INSC: variants seen among roughly 807,000 people sequenced by gnomAD.
The protein encoded by INSC is protein inscuteable homolog.
INSC carries 67 observed loss-of-function variants against 58.6 expected under a neutral mutation model. That is an observed-to-expected ratio of 1.14 (90% CI 0.94 to 1.40). The LOEUF is 1.40. Ranked by LOEUF, INSC falls within the 40% of genes most tolerant of loss-of-function variation. INSC has a pLI of 0.00. For missense variants in INSC, 714 were observed against 692.0 expected (o/e 1.03, Z -0.36); for synonymous variants, 262 against 276.1 (o/e 0.95, Z 0.51).
chr11:15,194,322 C>A (rs1261270352), intron 6 of INSC, among the ~76,000 whole-genome samples: 2 of 152,166 alleles, frequency 1.3e-5, no homozygotes, highest in Admixed American at 1.3e-4. Context: ...CAGGAAGATG[C>A]CCTGGCAACA....
chr11:15,267,159 G>A, the INSC span, among the ~76,000 whole-genome samples: 71 of 152,006 alleles, frequency 4.7e-4, no homozygotes, highest in Middle Eastern at 3.4e-3. Flanking sequence ...TTCCTCTAGC[G>A]CCAGTTTTGC....
intron 2 of INSC, among the ~76,000 whole-genome samples, chr11:15,157,502 T>C (rs971159913): frequency 1.3e-5 from 2 of 152,106 alleles, no homozygotes; most frequent in East Asian, 1.9e-4. Context: ...CACTGGGAGT[T>C]GGAAGGGGCA....
intron 2 of INSC, among the ~76,000 whole-genome samples, chr11:15,175,054 A>G (rs1176327696): frequency 6.6e-6 from 1 of 152,226 alleles, no homozygotes. Flanking sequence ...TTCCATTACA[A>G]AAGTAATATA....
the INSC span, among the ~76,000 whole-genome samples, chr11:15,262,167 T>A: frequency 2.6e-5 from 4 of 152,048 alleles, no homozygotes; most frequent in African/African-American, 7.2e-5. Flanking sequence ...AAGGGCAAGG[T>A]GCCTGGAGCT....
At chr11:15,234,929 CTG>C (rs1335830189) in intron 9 of INSC, among the ~76,000 whole-genome samples, 4 of 152,200 alleles carry the variant, frequency 2.6e-5, no homozygotes, top group Non-Finnish European at 5.9e-5. Flanking sequence ...AAAGCTGTAA[CTG>C]AGACTCACTG....
At chr11:15,265,227 G>T in the INSC span, among the ~76,000 whole-genome samples, 1 of 152,014 alleles carries the variant, frequency 6.6e-6, no homozygotes, top group Admixed American at 6.6e-5. Flanking sequence ...AATGCAAATA[G>T]ACTTATTGCG....
chr11:15,204,190 C>A (rs370313672), intron 7 of INSC, among the ~76,000 whole-genome samples: 2 of 152,206 alleles, frequency 1.3e-5, no homozygotes, highest in Non-Finnish European at 1.5e-5. Flanking sequence ...TTCATCAAGT[C>A]ATTTATTCCT....
chr11:15,263,515 T>A, the INSC span, among the ~76,000 whole-genome samples: 2 of 152,148 alleles, frequency 1.3e-5, no homozygotes, highest in African/African-American at 4.8e-5. Flanking sequence ...GAAATGATAG[T>A]TGGAACAACA....
chr11:15,256,969 G>T, the INSC span, among the ~76,000 whole-genome samples: 1 of 152,102 alleles, frequency 6.6e-6, no homozygotes, highest in Non-Finnish European at 1.5e-5. Flanking sequence ...TCATTCCAGG[G>T]CTCTCCCAAA....
chr11:15,249,690 T>A (rs1186046695), downstream of INSC, among the ~76,000 whole-genome samples: 2 of 152,222 alleles, frequency 1.3e-5, no homozygotes, highest in African/African-American at 4.8e-5. Context: ...GACCAAAGGC[T>A]GTGGCCAGAA....
chr11:15,224,101 T>C (rs1048266549), intron 8 of INSC, among the ~76,000 whole-genome samples: 1 of 152,198 alleles, frequency 6.6e-6, no homozygotes, highest in Non-Finnish European at 1.5e-5. Context: ...TCACTTAACA[T>C]TTGAATCCTC....
intron 2 of INSC, among the ~76,000 whole-genome samples, chr11:15,164,078 T>A (rs955930716): frequency 1.3e-5 from 2 of 152,182 alleles, no homozygotes; most frequent in African/African-American, 2.4e-5. Context: ...TTGTTCCTGT[T>A]TTTTATAATT....
the INSC span, among the ~76,000 whole-genome samples, chr11:15,267,960 A>T: frequency 1.2e-3 from 189 of 152,134 alleles, 1 homozygote; most frequent in Non-Finnish European, 2.1e-4. Flanking sequence ...CTCATCACTG[A>T]TAATCTGCCC....
At chr11:15,209,617 C>T (rs1168520588) in intron 7 of INSC, among the ~76,000 whole-genome samples, 1 of 152,194 alleles carries the variant, frequency 6.6e-6, no homozygotes, top group African/African-American at 2.4e-5. Flanking sequence ...GAGACACTAT[C>T]TCACCCACTT....
chr11:15,225,169 G>A (rs1476032833), intron 8 of INSC, among the ~76,000 whole-genome samples: 2 of 152,224 alleles, frequency 1.3e-5, no homozygotes, highest in Admixed American at 6.5e-5. Context: ...GGTCTCAGCT[G>A]TAAAGTCACA....
intron 2 of INSC, among the ~76,000 whole-genome samples, chr11:15,154,803 C>CT (rs55738495): frequency 0.36 from 55,069 of 151,036 alleles, 10,235 homozygotes; most frequent in Middle Eastern, 0.4. Context: ...GCTTTTGTCC[C>CT]TTTTTTTTTG....
At chr11:15,166,244 A>G (rs1345379328) in intron 2 of INSC, among the ~76,000 whole-genome samples, 1 of 152,208 alleles carries the variant, frequency 6.6e-6, no homozygotes, top group Non-Finnish European at 1.5e-5. Context: ...TTGCCTTTAC[A>G]TTCAGGCCAG....
At chr11:15,118,514 A>G (rs897593674) in intron 1 of INSC, among the ~76,000 whole-genome samples, 1 of 152,194 alleles carries the variant, frequency 6.6e-6, no homozygotes, top group Non-Finnish European at 1.5e-5. Context: ...GCTGGTGGCC[A>G]TTGCCTGCCT....
intron 6 of INSC, among the ~76,000 whole-genome samples, chr11:15,193,441 C>G (rs1850254179): frequency 6.6e-6 from 1 of 152,172 alleles, no homozygotes. Context: ...TATCCCTCCC[C>G]CATCCCCCCA....
Sources: allele counts gnomAD v4.1 joint callset (sites outside exome capture counted in the v4.1 genomes callset), GRCh38; gene constraint gnomAD v4.1.1; transcripts MANE v1.5; gene names NCBI Gene and HGNC (gene_info 2026-07-23, HGNC 2026-07-21).